AXIN1: variants seen among roughly 807,000 people sequenced by gnomAD.
AXIN1 encodes axin-1.
AXIN1 carries 30 observed loss-of-function variants against 76.4 expected under a neutral mutation model. The ratio of observed to expected loss-of-function variants is 0.39; its 90% CI spans 0.29 to 0.53. The LOEUF (loss-of-function observed/expected upper bound fraction) is 0.53, where lower values mean the gene tolerates loss of function less well. Among genes scored for constraint, AXIN1 ranks in the 20% least tolerant of loss-of-function variants. The pLI, the probability that AXIN1 is intolerant of heterozygous loss-of-function variation, is 0.66. For missense variants in AXIN1, 1,140 were observed against 1,198.8 expected (o/e 0.95, Z 0.72); for synonymous variants, 545 against 501.4 (o/e 1.09, Z -1.16).
intron 2 of AXIN1, among the ~76,000 whole-genome samples, chr16:342,289 A>G (rs558054289): frequency 1.3e-5 from 2 of 151,826 alleles, no homozygotes; most frequent in Non-Finnish European, 2.9e-5. Context: ...GAAGGAACAA[A>G]CTCCGGACAG....
At position 297,827 on chromosome 16, in the gene AXIN1, C is replaced by T. The variant is rs2141509989; in HGVS notation, c.1679G>A (p.Ser560Asn). 1 of 1,574,946 alleles carries T rather than the reference C, an allele frequency of 6.3e-7. No homozygotes were observed. The highest frequency in any genetic ancestry group is 8.6e-7 in the Non-Finnish European group (1 of 1,159,530). ...TGGTTCCAGGCCCCAGGCGAAGCTG[C>T]TCTGGGCCCTGCGGGTGGCCTCGGC... ...VEAEATRRAQ[S>N]SFAWGLEPHS... The change falls in exon 6 of 11, where the codon AGC (serine) becomes AAC (asparagine). Residue 560 changes from serine (S) to asparagine (N), a missense_variant. By Grantham distance (46) the Ser-to-Asn change is conservative. Transcript: ENST00000262320.
At chr16:330,063 G>T (rs2053664108) in intron 2 of AXIN1, among the ~76,000 whole-genome samples, 1 of 127,098 alleles carries the variant, frequency 7.9e-6, no homozygotes, top group Non-Finnish European at 1.6e-5. Context: ...ACTGTGCCCG[G>T]CCCTTTTTTT....
At position 349,615 on chromosome 16, in the gene AXIN1, A is replaced by C. The variant is rs369891278; in HGVS notation, c.-81-2509T>G. Among the ~76,000 whole-genome samples the C allele has an allele frequency of 7.8e-4, 119 of 152,328 alleles. 1 individual carries two copies. In the South Asian group the frequency reaches 0.017, roughly 21 times the overall value. On this transcript the variant is annotated intron_variant, in intron 1 of 10. Coordinates refer to ENST00000262320, the MANE Select transcript of AXIN1 (RefSeq NM_003502.4). ...TAAGTCTTCTGTGTTAATTATTGGT[A>C]GTAGCGGGACCCACAGCACCCAGCA...
At chr16:301,036 C>T (rs537731172) in intron 5 of AXIN1, among the ~76,000 whole-genome samples, 1 of 151,806 alleles carries the variant, frequency 6.6e-6, no homozygotes, top group East Asian at 2.0e-4. Flanking sequence ...TTTGGGAGGC[C>T]GAGGCGGGTG....
chr16:345,370 C>T (rs1234081817), intron 2 of AXIN1, among the ~76,000 whole-genome samples: 1 of 152,206 alleles, frequency 6.6e-6, no homozygotes, highest in Non-Finnish European at 1.5e-5. Flanking sequence ...CGTAAAACGT[C>T]CCCCCTGCTA....
Position 320,743 on chromosome 16 carries a change from A to ATATATATATATTT in AXIN1, c.879-6061_879-6060insAAATATATATATA, listed in dbSNP as rs397722732. 7.4e-5 allele frequency among the ~76,000 whole-genome samples: 8 copies of ATATATATATATTT among 107,624 alleles called. No individual in the cohort carries two copies. In the East Asian group the frequency reaches 1.1e-3, roughly 15 times the overall value. The allele number at this position is 107,624 out of a possible 152,430, so 70.6% of individuals were successfully genotyped here. A position where few individuals can be genotyped will look rare whatever the true frequency, so the allele number is the denominator to read the frequency against. ...TGTGTGTATATATATATATATATAT[A>ATATATATATATTT]TTTTTTTTTTTTTTGAGACGGAGCC... On this transcript the variant is annotated intron_variant, in intron 2 of 10. Transcript: ENST00000262320.
intron 1 of AXIN1, among the ~76,000 whole-genome samples, chr16:351,342 G>C (rs995922618): frequency 2.0e-5 from 3 of 152,126 alleles, no homozygotes; most frequent in African/African-American, 4.8e-5. Context: ...AGGCGCGGTG[G>C]CTCACGCCTG....
intron 2 of AXIN1, among the ~76,000 whole-genome samples, chr16:335,438 A>G (rs1007435967): frequency 9.9e-5 from 15 of 151,584 alleles, no homozygotes; most frequent in African/African-American, 3.6e-4. Context: ...ACCACGGCAC[A>G]CTAATTACAC....
intron 7 of AXIN1, among the ~76,000 whole-genome samples, chr16:296,805 A>G (rs986873653): frequency 6.6e-5 from 10 of 152,046 alleles, no homozygotes; most frequent in Non-Finnish European, 1.5e-4. Flanking sequence ...GGTGACAGCC[A>G]CGTCAGCTTC....
At position 298,218 on chromosome 16, in the gene AXIN1, C is replaced by T. The variant is rs747637123; in HGVS notation, c.1288G>A (p.Gly430Arg). 3 of 1,540,766 alleles carry T rather than the reference C, an allele frequency of 1.9e-6. No individual in the cohort carries two copies. Among genetic ancestry groups the T allele is most frequent in the Non-Finnish European group, 2.6e-6 (3 of 1,147,194 alleles). Residue 430 changes from glycine to arginine, a missense_variant, in exon 6 of 11, where the codon GGG becomes AGG. Gly to Arg is a moderately radical substitution (Grantham distance 125). Transcript: ENST00000262320. ...AGCTTGTGACACGGCCCTGGGGGCCCTGACGATGGATCGCCGTCCTCACCT... is the reference window on the plus strand; with the variant it reads ...AGCTTGTGACACGGCCCTGGGGGCCTTGACGATGGATCGCCGTCCTCACCT... ...EEGEDGDPSS[G>R]PPGPCHKLPP...
rs774732101 is a variant in AXIN1 at position 307,215 on chromosome 16, G to C, written c.1116+2758C>G. ...CATCATCAGGCCCAGAGAGCAGCAC[G>C]GCTGAGGGGCCAACAGGAGCACTCA... On this transcript the variant is annotated intron_variant, in intron 4 of 10. Coordinates refer to ENST00000262320, the MANE Select transcript of AXIN1 (RefSeq NM_003502.4). 2.8e-4 allele frequency among the ~76,000 whole-genome samples: 42 copies of C among 152,248 alleles called. 1 individual carries two copies. The highest frequency in any genetic ancestry group is 5.1e-4 in the Non-Finnish European group (35 of 68,008).
chr16:309,436 C>A (rs1567276484), intron 4 of AXIN1, among the ~76,000 whole-genome samples: 1 of 152,238 alleles, frequency 6.6e-6, no homozygotes, highest in African/African-American at 2.4e-5. Flanking sequence ...GTGCTGGGCT[C>A]CAGCTAGCAC....
At chr16:297,411 T>C (rs1315370113) in intron 6 of AXIN1, among the ~76,000 whole-genome samples, 185 bp from the exon 7 acceptor site, 1 of 146,664 alleles carries the variant, frequency 6.8e-6, no homozygotes, top group Non-Finnish European at 1.5e-5. Context: ...CGCTGTCCCC[T>C]GCCCGCTGTC....
intron 2 of AXIN1, among the ~76,000 whole-genome samples, chr16:318,626 T>TG (rs1344753215): frequency 2.0e-5 from 3 of 152,152 alleles, no homozygotes; most frequent in Non-Finnish European, 2.9e-5. Context: ...CCCATATAGC[T>TG]GGGATCCAGT....
At position 298,083 on chromosome 16, in the gene AXIN1, C is replaced by T. The variant is rs1168676445; in HGVS notation, c.1423G>A (p.Val475Ile). 3 of 1,556,236 alleles carry T rather than the reference C, an allele frequency of 1.9e-6. No homozygotes were observed. Among genetic ancestry groups the T allele is most frequent in the African/African-American group, 1.4e-5 (1 of 73,708 alleles). The change falls in exon 6 of 11, where the codon GTA (valine) becomes ATA (isoleucine). Residue 475 changes from valine (V) to isoleucine (I), a missense_variant. Val to Ile is a conservative substitution (Grantham distance 29). Around this residue, in one of 3 missense-constraint regions of AXIN1, gnomAD observed 708 missense variants for 776.9 expected, o/e 0.91. Transcript: ENST00000262320. ...ENPESILDEH[V>I]QRVLRTPGRQ... Reference sequence around the variant, plus strand: ...CCAGGTGTCCTCAGCACACGCTGTACGTGCTCGTCCAGGATGCTCTCAGGG... The same window carrying T: ...CCAGGTGTCCTCAGCACACGCTGTATGTGCTCGTCCAGGATGCTCTCAGGG...
chr16:324,054 T>C (rs9924155), intron 2 of AXIN1, among the ~76,000 whole-genome samples: 3,536 of 152,146 alleles, frequency 0.023, 143 homozygotes, highest in African/African-American at 0.08. Flanking sequence ...CAGGAAACCC[T>C]GCAGACCATG....
intron 2 of AXIN1, among the ~76,000 whole-genome samples, chr16:315,624 G>A (rs941649232): frequency 1.2e-4 from 18 of 152,052 alleles, no homozygotes; most frequent in Non-Finnish European, 1.9e-4. Flanking sequence ...TCAGGAGATC[G>A]AGACCATCCT....
rs891732715 is a variant in AXIN1, at chr16:301,087, G to A, written c.1255-2836C>T. ...AGATCGAGACCATCCTGGCTAACAT[G>A]GTGAAACCCCGTCTCTACTAAAAAT... On this transcript the variant is annotated intron_variant, in intron 5 of 10. Transcript: ENST00000262320. Among the ~76,000 whole-genome samples the A allele has an allele frequency of 3.3e-5, 5 of 151,908 alleles. 1 individual carries two copies. Among genetic ancestry groups the A allele is most frequent in the Admixed American group, 2.0e-4 (3 of 15,244 alleles).
At position 287,825 on chromosome 16, in the gene AXIN1, G is replaced by C; in HGVS notation, c.*297C>G. The C allele has an allele frequency of 5.9e-6, 3 of 512,496 alleles. No individual in the cohort carries two copies. Among genetic ancestry groups the C allele is most frequent in the Non-Finnish European group, 1.1e-5 (3 of 281,548 alleles). The allele number at this position is 512,496 out of a possible 1,614,324, so 31.7% of individuals were successfully genotyped here. On this transcript the variant is annotated 3_prime_UTR_variant, in exon 11 of 11. Coordinates refer to ENST00000262320, the MANE Select transcript of AXIN1 (RefSeq NM_003502.4). Reference sequence around the variant, plus strand: ...CACGTGCCCAAGGGAGGTGCCGGGGGATGGGGGGGGGTCACCTGAAGCTGG... The same window carrying C: ...CACGTGCCCAAGGGAGGTGCCGGGGCATGGGGGGGGGTCACCTGAAGCTGG...
Sources: gnomAD v4.1 joint callset for allele counts (sites outside exome capture counted in the v4.1 genomes callset) on GRCh38, gnomAD v4.1.1 for gene constraint, gnomAD v4.1.1 regional missense constraint, MANE v1.5 for transcripts, NCBI Gene and HGNC (gene_info 2026-07-23, HGNC 2026-07-21) for gene names.